CPA6: variants seen among roughly 807,000 people sequenced by gnomAD.
CPA6 encodes the protein carboxypeptidase B.
CPA6 carries 58 observed loss-of-function variants against 63.3 expected under a neutral mutation model. The observed-to-expected ratio is 0.92, with a 90% CI of 0.74 to 1.14. CPA6 has a LOEUF of 1.14. Ranked by LOEUF, CPA6 falls within the 50% of genes most tolerant of loss-of-function variation. The pLI, the probability that CPA6 is intolerant of heterozygous loss-of-function variation, is 0.00. For synonymous variants in CPA6, 185 were observed against 179.0 expected (o/e 1.03, Z -0.27); for missense variants, 565 against 526.6 (o/e 1.07, Z -0.71).
At chr8:67,552,370 C>T (rs948196850) in intron 2 of CPA6, among the ~76,000 whole-genome samples, 2 of 152,186 alleles carry the variant, frequency 1.3e-5, no homozygotes, top group South Asian at 2.1e-4. Flanking sequence ...CTTTTACCTT[C>T]ATGGCTTTTA....
rs140915596 is a variant in CPA6 at position 67,516,784 on chromosome 8, C to G, written c.317+1139G>C. Among the ~76,000 whole-genome samples the G allele has an allele frequency of 2.9e-3, 448 of 152,116 alleles. 2 individuals carry two copies. The highest frequency in any genetic ancestry group is 9.1e-3 in the African/African-American group (377 of 41,498). ...CTTTTTCAGCTCCTCTGACTGTCTT[C>G]CACTTGCTCTTTTCTTTTTTTTGAG... On this transcript the variant is annotated intron_variant, in intron 3 of 10. Coordinates refer to ENST00000297770, the MANE Select transcript of CPA6 (RefSeq NM_020361.5).
chr8:67,457,561 T>A (rs1200151906), intron 8 of CPA6, among the ~76,000 whole-genome samples: 2 of 152,158 alleles, frequency 1.3e-5, no homozygotes, highest in African/African-American at 4.8e-5. Flanking sequence ...TCTGCCTCTA[T>A]CCTGGTTTCA....
At chr8:67,551,526 A>G (rs753197942) in intron 2 of CPA6, among the ~76,000 whole-genome samples, 9 of 152,298 alleles carry the variant, frequency 5.9e-5, no homozygotes, top group Admixed American at 1.3e-4. Flanking sequence ...TTCTATATAA[A>G]TTTTAGAATA....
chr8:67,447,031 TAC>T (rs202014181), intron 8 of CPA6, among the ~76,000 whole-genome samples: 3,483 of 129,666 alleles, frequency 0.027, 128 homozygotes, highest in African/African-American at 0.12. Flanking sequence ...CACATATATA[TAC>T]ACACATATAT....
intron 2 of CPA6, among the ~76,000 whole-genome samples, chr8:67,622,258 G>C (rs1815099621): frequency 6.6e-6 from 1 of 152,200 alleles, no homozygotes; most frequent in Non-Finnish European, 1.5e-5. Flanking sequence ...AATTTCAGTG[G>C]AGACGGAAAC....
chr8:67,456,468 A>T (rs1430132850), intron 8 of CPA6, among the ~76,000 whole-genome samples: 1 of 152,168 alleles, frequency 6.6e-6, no homozygotes, highest in Non-Finnish European at 1.5e-5. Context: ...AAGCAGTCAA[A>T]CCTTTTCTGA....
intron 8 of CPA6, among the ~76,000 whole-genome samples, chr8:67,476,550 TCTC>T (rs1355715383): frequency 2.4e-4 from 29 of 119,480 alleles, no homozygotes; most frequent in African/African-American, 8.6e-4. Context: ...TCTCTCTCTC[TCTC>T]TTTTTTTTTT....
chr8:67,745,578 C>CAA (rs367575021), intron 1 of CPA6, among the ~76,000 whole-genome samples: 57 of 148,956 alleles, frequency 3.8e-4, no homozygotes, highest in African/African-American at 1.1e-3. Flanking sequence ...TAAGCACAGA[C>CAA]AAAAAAAAAA....
intron 8 of CPA6, among the ~76,000 whole-genome samples, chr8:67,451,744 G>A (rs1810561681): frequency 6.6e-6 from 1 of 152,064 alleles, no homozygotes; most frequent in Non-Finnish European, 1.5e-5. Context: ...GAAGGCTGAG[G>A]ACACACCATG....
chr8:67,718,475 G>A (rs1012047240), intron 1 of CPA6, among the ~76,000 whole-genome samples: 1 of 152,092 alleles, frequency 6.6e-6, no homozygotes, highest in African/African-American at 2.4e-5. Context: ...GTGATGAAAG[G>A]TACATGTGCA....
chr8:67,555,285 T>C (rs776608267), intron 2 of CPA6, among the ~76,000 whole-genome samples: 2 of 152,196 alleles, frequency 1.3e-5, no homozygotes, highest in Non-Finnish European at 2.9e-5. Flanking sequence ...CTTTGTCCCC[T>C]AACTTCCAAG....
intron 2 of CPA6, among the ~76,000 whole-genome samples, chr8:67,567,722 G>A (rs1813375005): frequency 6.6e-6 from 1 of 152,210 alleles, no homozygotes; most frequent in Admixed American, 6.5e-5. Context: ...CTTTGACTAT[G>A]TCACCCCTCT....
chr8:67,633,017 A>T (rs971969989), intron 1 of CPA6, among the ~76,000 whole-genome samples: 2 of 152,216 alleles, frequency 1.3e-5, no homozygotes, highest in Non-Finnish European at 2.9e-5. Context: ...TACTCAATAT[A>T]CCTACTATAA....
At chr8:67,428,456 C>A (rs150527814) in intron 9 of CPA6, among the ~76,000 whole-genome samples, 1 of 151,866 alleles carries the variant, frequency 6.6e-6, no homozygotes, top group Non-Finnish European at 1.5e-5. Flanking sequence ...CTTAGTGTTC[C>A]GTTCCTTGAC....
chr8:67,681,195 A>ATTTTTTT (rs1554533441), intron 1 of CPA6, among the ~76,000 whole-genome samples: 1 of 97,138 alleles, frequency 1.0e-5, no homozygotes, highest in African/African-American at 6.0e-5. Context: ...GGTCACAAAG[A>ATTTTTTT]TTTTCTTTTT....
At chr8:67,436,401 A>G (rs1367202906) in intron 8 of CPA6, among the ~76,000 whole-genome samples, 1 of 142,322 alleles carries the variant, frequency 7.0e-6, no homozygotes, top group Non-Finnish European at 1.5e-5. Flanking sequence ...TTTTTTTTTT[A>G]ATAAAGAAAA....
intron 1 of CPA6, among the ~76,000 whole-genome samples, chr8:67,680,157 T>C (rs759438824): frequency 6.6e-6 from 1 of 152,190 alleles, no homozygotes; most frequent in African/African-American, 2.4e-5. Flanking sequence ...AAGGTAATAA[T>C]TTATAAACAT....
rs562755936 is a variant in CPA6 at position 67,450,388 on chromosome 8, G to T, written c.839-16148C>A. Among the ~76,000 whole-genome samples the T allele has an allele frequency of 2.0e-5, 3 of 152,222 alleles. No individual in the cohort carries two copies. The South Asian group carries it at 6.2e-4, about 32-fold the overall frequency. Reference sequence around the variant, plus strand: ...TTACTAAAGATAAATTACTTGCTTTGTTCAAAGTTCAAGGAAGAAGACAAA... The same window carrying T: ...TTACTAAAGATAAATTACTTGCTTTTTTCAAAGTTCAAGGAAGAAGACAAA... On this transcript the variant is annotated intron_variant, in intron 8 of 10. Transcript: ENST00000297770.
At chr8:67,533,660 A>G (rs1427039481) in intron 2 of CPA6, among the ~76,000 whole-genome samples, 3 of 152,238 alleles carry the variant, frequency 2.0e-5, no homozygotes, top group African/African-American at 7.2e-5. Flanking sequence ...TATTCAGTAA[A>G]AGATTTATAA....
Sources: allele counts gnomAD v4.1 joint callset (sites outside exome capture counted in the v4.1 genomes callset), GRCh38; gene constraint gnomAD v4.1.1; transcripts MANE v1.5; gene names NCBI Gene and HGNC (gene_info 2026-07-23, HGNC 2026-07-21).